The following SNAPC1 variants were observed in gnomAD, a reference collection of about 807,000 sequenced individuals.
SNAPC1 encodes small nuclear RNA activating complex polypeptide 1, also known as snRNA-activating protein complex subunit 1.
A neutral mutation model predicts 50.1 loss-of-function variants in SNAPC1; 42 were observed. The ratio of observed to expected loss-of-function variants is 0.84; its 90% CI spans 0.65 to 1.08. The LOEUF is 1.08. Ranked by LOEUF, SNAPC1 falls within the 50% of genes least tolerant of loss-of-function variation. The probability of loss-of-function intolerance (pLI) is 0.00; values close to 1 mark genes in which losing one functional copy is unlikely to be tolerated. For synonymous variants in SNAPC1, 164 were observed against 144.2 expected (o/e 1.14, Z -0.98); for missense variants, 477 against 427.3 (o/e 1.12, Z -1.02).
chr14:61,783,528 GTTTTTT>G (rs577941212), intron 8 of SNAPC1, among the ~76,000 whole-genome samples: 1 of 110,134 alleles, frequency 9.1e-6, no homozygotes, highest in East Asian at 2.5e-4. Context: ...GTTTGGTTTG[GTTTTTT>G]TTTTTTTTTT....
intron 8 of SNAPC1, among the ~76,000 whole-genome samples, chr14:61,782,717 C>A (rs985896944): frequency 1.3e-5 from 2 of 152,058 alleles, no homozygotes; most frequent in African/African-American, 4.8e-5. Context: ...CAAGTCCAGC[C>A]TGGCCAACAT....
rs2045186688 is a variant in SNAPC1 at position 61,795,949 on chromosome 14, C to T, written c.*966C>T. On this transcript the variant is annotated 3_prime_UTR_variant, in exon 10 of 10. Coordinates refer to ENST00000216294, the MANE Select transcript of SNAPC1 (RefSeq NM_003082.4). ...GCTCAAGCTATCCTCCTGCCTCAGC[C>T]TCCCAAAGTACTGGGATTATAGGTG... is the stretch of plus-strand genomic sequence containing the variant. 6.6e-6 allele frequency: 1 copy of T among 152,240 alleles called. No homozygotes were observed. Among genetic ancestry groups the T allele is most frequent in the Admixed American group, 6.5e-5 (1 of 15,272 alleles). The allele number at this position is 152,240 out of a possible 1,614,324, so 9.4% of individuals were successfully genotyped here.
intron 4 of SNAPC1, among the ~76,000 whole-genome samples, chr14:61,771,733 G>A (rs1221895972): frequency 6.6e-6 from 1 of 152,188 alleles, no homozygotes; most frequent in African/African-American, 2.4e-5. Flanking sequence ...AGGTGGGTGT[G>A]TCTGCGATTG....
At chr14:61,768,816 A>T (rs999890885) in intron 4 of SNAPC1, 76 bp downstream of exon 4, 6 of 698,918 alleles carry the variant, frequency 8.6e-6, no homozygotes, top group Admixed American at 2.4e-5. Flanking sequence ...TTATACCTTC[A>T]TCTACTGGAT....
chr14:61,783,532 T>TG (rs541829964), intron 8 of SNAPC1, among the ~76,000 whole-genome samples: 5 of 129,142 alleles, frequency 3.9e-5, no homozygotes, highest in African/African-American at 1.6e-4. Context: ...GGTTTGGTTT[T>TG]TTTTTTTTTT....
chr14:61,765,983 G>T lies in SNAPC1; in HGVS notation c.129-893G>T, dbSNP rs554471801. ...AGTGCAAATCCCTGAGAGTATTGGA[G>T]AAAATGTTCGTTAGGTAAAAAGTAA... On this transcript the variant is annotated intron_variant, in intron 1 of 9. Transcript: ENST00000216294. Among the ~76,000 whole-genome samples the T allele has an allele frequency of 2.6e-5, 4 of 152,312 alleles. No homozygotes were observed. The East Asian group carries it at 7.7e-4, about 29-fold the overall frequency.
At chr14:61,764,843 A>T (rs1386756239) in intron 1 of SNAPC1, among the ~76,000 whole-genome samples, 1 of 152,152 alleles carries the variant, frequency 6.6e-6, no homozygotes, top group Admixed American at 6.5e-5. Flanking sequence ...CTTTTCCTAT[A>T]TTTATTATTT....
chr14:61,772,343 C>T (rs2044997550), intron 4 of SNAPC1, among the ~76,000 whole-genome samples: 1 of 152,126 alleles, frequency 6.6e-6, no homozygotes, highest in African/African-American at 2.4e-5. Flanking sequence ...CACCCGGGTT[C>T]AAGCGATTCT....
intron 7 of SNAPC1, among the ~76,000 whole-genome samples, chr14:61,781,893 C>A (rs1323235709): frequency 6.6e-6 from 1 of 152,182 alleles, no homozygotes; most frequent in Non-Finnish European, 1.5e-5. Flanking sequence ...TGGAGCCAAG[C>A]GTGAAGTACT....
chr14:61,792,875 G>A lies in SNAPC1; in HGVS notation c.1045G>A (p.Glu349Lys). 1 of 1,605,836 alleles carries A rather than the reference G, an allele frequency of 6.2e-7. No individual in the cohort carries two copies. The highest frequency in any genetic ancestry group is 8.5e-7 in the Non-Finnish European group (1 of 1,174,926). Residue 349 changes from glutamate (E) to lysine (K), a missense_variant, in exon 9 of 10, where the codon GAA (glutamate) becomes AAA (lysine). By Grantham distance (56) the Glu-to-Lys change is moderately conservative. Transcript: ENST00000216294. ...GAGTATGCCTGTAATTACAGAAGAA[G>A]AAGAGAATGAAAGTTTGAGTGGAAC... The part of the protein sequence containing the change: ...SLSMPVITEE[E>K]ENESLSGTEF...
chr14:61,767,503 G>T (rs918905619), intron 3 of SNAPC1, 151 bp downstream of exon 3: 3 of 438,290 alleles, frequency 6.8e-6, no homozygotes, highest in South Asian at 1.0e-4. Flanking sequence ...TTGCTCTGTC[G>T]CCCAGGCTGG....
At chr14:61,776,441 T>TG (rs1265979216) in intron 5 of SNAPC1, among the ~76,000 whole-genome samples, 188 bp downstream of exon 5, 1 of 151,974 alleles carries the variant, frequency 6.6e-6, no homozygotes, top group African/African-American at 2.4e-5. Context: ...ACCTGATAAA[T>TG]GGAGTATATA....
chr14:61,793,925 G>A (rs569578910), intron 9 of SNAPC1, among the ~76,000 whole-genome samples: 1 of 152,102 alleles, frequency 6.6e-6, no homozygotes, highest in South Asian at 2.1e-4. Flanking sequence ...CAAAGTGCTG[G>A]GATTACAGGT....
chr14:61,769,729 C>G (rs893148263), intron 4 of SNAPC1, among the ~76,000 whole-genome samples: 1 of 152,088 alleles, frequency 6.6e-6, no homozygotes, highest in Non-Finnish European at 1.5e-5. Context: ...ATTTTAAAAC[C>G]TACCATTGAA....
chr14:61,768,667 G>C lies in SNAPC1; in HGVS notation c.461G>C (p.Arg154Pro), dbSNP rs748273435. The C allele has an allele frequency of 6.2e-7, 1 of 1,610,046 alleles. No individual in the cohort carries two copies. The highest frequency in any genetic ancestry group is 8.5e-7 in the Non-Finnish European group (1 of 1,176,760). Residue 154 changes from arginine to proline, a missense_variant, in exon 4 of 10, where the codon CGA becomes CCA. Physicochemically the swap from Arg to Pro is moderately radical, Grantham distance 103. Transcript: ENST00000216294. ...TATAGGATGAAGAAAAAAATTCACCGAGCTGAAGTTACAGAAGAATTTAAG... is the reference window on the plus strand; with the variant it reads ...TATAGGATGAAGAAAAAAATTCACCCAGCTGAAGTTACAGAAGAATTTAAG... ...LSYRMKKKIH[R>P]AEVTEEFKDP...
In SNAPC1 at chr14:61,776,161, C is replaced by T. The variant is rs35870807; in HGVS notation, c.601C>T (p.Pro201Ser). ...TGTAATTTCAGTTGATAAGTCCAAG[C>T]CAGATAAAGCCCTCAGCTTGATAAA... ...KHVISVDKSK[P>S]DKALSLIKDD... Residue 201 changes from proline to serine, a missense_variant, in exon 5 of 10, where the codon CCA (proline) becomes TCA (serine). Coordinates refer to ENST00000216294, the MANE Select transcript of SNAPC1 (RefSeq NM_003082.4). 1.2e-4 allele frequency: 196 copies of T among 1,611,766 alleles called. 1 individual carries two copies. In the African/African-American group the frequency reaches 1.6e-3, roughly 13 times the overall value.
chr14:61,793,049 G>A lies in SNAPC1; in HGVS notation c.1072+147G>A, dbSNP rs897055857. The A allele has an allele frequency of 6.0e-6, 3 of 503,102 alleles. No homozygotes were observed. The African/African-American group carries it at 6.0e-5, about 10-fold the overall frequency. The allele number at this position is 503,102 out of a possible 1,614,324, so 31.2% of individuals were successfully genotyped here. A position where few individuals can be genotyped will look rare whatever the true frequency, so the allele number is the denominator to read the frequency against. On this transcript the variant is annotated intron_variant, in intron 9 of 9. Coordinates refer to ENST00000216294, the MANE Select transcript of SNAPC1 (RefSeq NM_003082.4). ...GACCCATTGGAGAATTTCAGTATTA[G>A]TCATATCATTAATGACATCTCAAAG...
chr14:61,779,447 G>A (rs1260275082), intron 7 of SNAPC1, among the ~76,000 whole-genome samples: 1 of 150,900 alleles, frequency 6.6e-6, no homozygotes, highest in East Asian at 1.9e-4. Context: ...CTCATTTTCT[G>A]TTTTCAGGGA....
chr14:61,767,236 G>A lies in SNAPC1; in HGVS notation c.313G>A (p.Asp105Asn), dbSNP rs1226874640. The change falls in exon 3 of 10, where the codon GAT becomes AAT. Residue 105 changes from aspartate (D) to asparagine (N), a missense_variant. Coordinates refer to ENST00000216294, the MANE Select transcript of SNAPC1 (RefSeq NM_003082.4). The stretch of plus-strand genomic sequence containing the variant: ...GATCAGAGTTGCCCTGAAGGATTGG[G>A]ATGAAGTTTTAAAATTTCAGCAAGA... ...QKIRVALKDW[D>N]EVLKFQQDLV... is the part of the protein sequence containing the mutation. The A allele has an allele frequency of 2.0e-6, 3 of 1,509,744 alleles. No individual in the cohort carries two copies. The highest frequency in any genetic ancestry group is 2.7e-6 in the Non-Finnish European group (3 of 1,128,090). 93.5% of individuals were successfully genotyped at this position (1,509,744 alleles called of 1,614,324 possible). A position where few individuals can be genotyped will look rare whatever the true frequency, so the allele number is the denominator to read the frequency against.
Sources: allele counts gnomAD v4.1 joint callset (sites outside exome capture counted in the v4.1 genomes callset), GRCh38; gene constraint gnomAD v4.1.1; transcripts MANE v1.5; gene names NCBI Gene and HGNC (gene_info 2026-07-23, HGNC 2026-07-21).